The following CPB2 variants were observed in gnomAD, a reference collection of about 807,000 sequenced individuals.
CPB2 encodes carboxypeptidase B-like protein.
A neutral mutation model predicts 57.0 loss-of-function variants in CPB2; 54 were observed. The ratio of observed to expected loss-of-function variants is 0.95; its 90% CI spans 0.76 to 1.19. CPB2 has a LOEUF of 1.19. CPB2 is among the 50% of genes most tolerant of loss of function. The pLI, the probability that CPB2 is intolerant of heterozygous loss-of-function variation, is 0.00. For synonymous variants in CPB2, 189 were observed against 178.1 expected (o/e 1.06, Z -0.49); for missense variants, 426 against 512.0 (o/e 0.83, Z 1.62).
chr13:46,068,806 C>A (rs1406545254), intron 6 of CPB2, among the ~76,000 whole-genome samples: 1 of 151,294 alleles, frequency 6.6e-6, no homozygotes, highest in African/African-American at 2.4e-5. Context: ...GTTTTCTGCT[C>A]TTGTGTTAGT....
intron 4 of CPB2, among the ~76,000 whole-genome samples, chr13:46,081,062 G>T (rs565254872): frequency 3.4e-4 from 52 of 151,312 alleles, no homozygotes; most frequent in African/African-American, 8.0e-4. Flanking sequence ...AGAGGCCTCA[G>T]TAGAAACCAA....
chr13:46,084,206 G>T lies in CPB2; in HGVS notation c.275+13C>A. 6.2e-7 allele frequency: 1 copy of T among 1,613,858 alleles called. No individual in the cohort carries two copies. The highest frequency in any genetic ancestry group is 1.1e-5 in the South Asian group (1 of 91,026). On this transcript the variant is annotated intron_variant, in intron 3 of 10. Coordinates refer to ENST00000181383, the MANE Select transcript of CPB2 (RefSeq NM_001872.5). ...TTATAATAACTACTCAATACGTATT[G>T]AACGGTGCCTACCTGCATGGAATTC...
chr13:46,084,569 C>T (rs898775173), intron 2 of CPB2, among the ~76,000 whole-genome samples: 1 of 151,738 alleles, frequency 6.6e-6, no homozygotes, highest in East Asian at 1.9e-4. Flanking sequence ...AATAAAAGGG[C>T]CTGGAATATA....
At chr13:46,071,198 A>T (rs1242580153) in intron 6 of CPB2, among the ~76,000 whole-genome samples, 3 of 152,162 alleles carry the variant, frequency 2.0e-5, no homozygotes, top group Non-Finnish European at 2.9e-5. Context: ...TTGTGATGGG[A>T]CCAATTAGTG....
intron 7 of CPB2, 83 bp from the exon 8 acceptor site, chr13:46,064,824 G>A (rs2044828945): frequency 1.9e-6 from 2 of 1,027,646 alleles, no homozygotes; most frequent in Non-Finnish European, 3.0e-6. Context: ...AGTCCATGAA[G>A]CCAGAATTGC....
At position 46,058,202 on chromosome 13, in the gene CPB2, T is replaced by C. The variant is rs750410742; in HGVS notation, c.976A>G (p.Lys326Glu). The C allele has an allele frequency of 1.9e-6, 3 of 1,613,770 alleles. No homozygotes were observed. Among genetic ancestry groups the C allele is most frequent in the Non-Finnish European group, 2.5e-6 (3 of 1,179,756 alleles). The change falls in exon 9 of 11, where the codon AAA (lysine) becomes GAA (glutamate). Residue 326 changes from lysine to glutamate, a missense_variant. Physicochemically the swap from Lys to Glu is moderately conservative, Grantham distance 56. Coordinates refer to ENST00000181383, the MANE Select transcript of CPB2 (RefSeq NM_001872.5). Reference sequence around the variant, plus strand: ...ACCAGTTCCTCATGGTCTTTGCTTTTACTTCGTGTATAGGAATATGGAAAC... The same window carrying C: ...ACCAGTTCCTCATGGTCTTTGCTTTCACTTCGTGTATAGGAATATGGAAAC... ...IVFPYSYTRS[K>E]SKDHEELSLV...
At chr13:46,064,455 G>A (rs778616841) in intron 8 of CPB2, among the ~76,000 whole-genome samples, 193 bp downstream of exon 8, 1 of 152,192 alleles carries the variant, frequency 6.6e-6, no homozygotes, top group Non-Finnish European at 1.5e-5. Context: ...AAACAGGAGA[G>A]AGGAGAGGCC....
At chr13:46,070,689 A>G (rs17844078) in intron 6 of CPB2, among the ~76,000 whole-genome samples, 4,114 of 152,324 alleles carry the variant, frequency 0.027, 82 homozygotes, top group Non-Finnish European at 0.042. Flanking sequence ...GGAAAATTTT[A>G]AAACAAAATG....
At chr13:46,065,115 A>G (rs2044834013) in intron 7 of CPB2, among the ~76,000 whole-genome samples, 1 of 152,232 alleles carries the variant, frequency 6.6e-6, no homozygotes, top group African/African-American at 2.4e-5. Context: ...AAGAAAAGCA[A>G]AATAACTTTG....
intron 9 of CPB2, among the ~76,000 whole-genome samples, chr13:46,056,474 GA>G (rs1445543841): frequency 6.6e-6 from 1 of 152,084 alleles, no homozygotes. Flanking sequence ...GAACTTTTCG[GA>G]AATTGGAACT....
At chr13:46,058,046 G>A (rs1469922590) in intron 9 of CPB2, 133 bp downstream of exon 9, 4 of 706,542 alleles carry the variant, frequency 5.7e-6, no homozygotes, top group Non-Finnish European at 9.7e-6. Flanking sequence ...ACTCTCAACA[G>A]GATCACACCA....
At chr13:46,090,749 A>C (rs1037048299) in intron 1 of CPB2, among the ~76,000 whole-genome samples, 6 of 148,178 alleles carry the variant, frequency 4.0e-5, no homozygotes, top group Middle Eastern at 3.3e-3. Context: ...TTTGAGACGG[A>C]GTCTCGCTCT....
intron 3 of CPB2, among the ~76,000 whole-genome samples, chr13:46,083,131 G>A (rs894891397): frequency 2.0e-5 from 3 of 151,998 alleles, no homozygotes; most frequent in African/African-American, 4.8e-5. Flanking sequence ...GCATTCTATC[G>A]CCTGAGATGG....
chr13:46,063,346 C>T (rs945861765), intron 8 of CPB2, among the ~76,000 whole-genome samples: 1 of 152,076 alleles, frequency 6.6e-6, no homozygotes, highest in South Asian at 2.1e-4. Context: ...TTTTGAGTCC[C>T]CAGTGTCTAT....
intron 6 of CPB2, among the ~76,000 whole-genome samples, chr13:46,069,323 T>C (rs1427228546): frequency 1.3e-5 from 2 of 152,236 alleles, no homozygotes; most frequent in African/African-American, 4.8e-5. Context: ...ATTTTTTCTT[T>C]AACAGCTTAT....
chr13:46,053,567 G>C lies in CPB2; in HGVS notation c.*47C>G, dbSNP rs1191059402. On this transcript the variant is annotated 3_prime_UTR_variant, in exon 11 of 11. Transcript: ENST00000181383. Reference sequence around the variant, plus strand: ...TTGATACAATGATTTGGTCTTGCTGGAATCAGTAAATTAAAATACGGAAGC... The same window carrying C: ...TTGATACAATGATTTGGTCTTGCTGCAATCAGTAAATTAAAATACGGAAGC... 3 of 1,587,468 alleles carry C rather than the reference G, an allele frequency of 1.9e-6. No homozygotes were observed. Among genetic ancestry groups the C allele is most frequent in the South Asian group, 1.1e-5 (1 of 88,944 alleles).
chr13:46,093,159 C>A (rs1158413056), intron 1 of CPB2, among the ~76,000 whole-genome samples: 1 of 152,046 alleles, frequency 6.6e-6, no homozygotes, highest in Non-Finnish European at 1.5e-5. Context: ...ACAATCCACC[C>A]GCCTCAGCCT....
rs374957316 is a variant in CPB2, at chr13:46,082,294, A to G, written c.384+147T>C. 48 of 456,520 alleles carry G rather than the reference A, an allele frequency of 1.1e-4. 1 individual carries two copies. The highest frequency in any genetic ancestry group is 9.1e-4 in the African/African-American group (46 of 50,526). 28.3% of individuals were successfully genotyped at this position (456,520 alleles called of 1,614,324 possible). On this transcript the variant is annotated intron_variant, in intron 4 of 10. Transcript: ENST00000181383. ...AGGGAAGATATCTACCAAAAAATGA[A>G]TGACCACCATTTAATTAACCTAAGT...
chr13:46,079,908 C>A (rs2045085848), intron 4 of CPB2, among the ~76,000 whole-genome samples: 1 of 152,168 alleles, frequency 6.6e-6, no homozygotes, highest in African/African-American at 2.4e-5. Context: ...CACCTGCCAC[C>A]AAGTACCGAC....
Sources: allele counts gnomAD v4.1 joint callset (sites outside exome capture counted in the v4.1 genomes callset), GRCh38; gene constraint gnomAD v4.1.1; transcripts MANE v1.5; gene names NCBI Gene and HGNC (gene_info 2026-07-23, HGNC 2026-07-21).